BRINP1: variants seen among roughly 807,000 people sequenced by gnomAD.
BRINP1 encodes the protein BMP/retinoic acid-inducible neural-specific protein 1.
BRINP1 carries 17 observed loss-of-function variants against 72.9 expected under a neutral mutation model. The observed-to-expected ratio is 0.23, with a 90% CI of 0.16 to 0.35. BRINP1 has a LOEUF of 0.35. Ranked by LOEUF, BRINP1 falls within the 10% of genes least tolerant of loss-of-function variation. The pLI is 1.00. For missense variants in BRINP1, 850 were observed against 1,001.6 expected (o/e 0.85, Z 2.04); for synonymous variants, 418 against 378.5 (o/e 1.10, Z -1.21).
intron 5 of BRINP1, among the ~76,000 whole-genome samples, chr9:119,225,196 T>C (rs1830077461): frequency 6.6e-6 from 1 of 152,050 alleles, no homozygotes; most frequent in South Asian, 2.1e-4. Flanking sequence ...GAAGTATTAA[T>C]TCTGCCATAA....
chr9:119,171,105 T>A (rs1829403877), intron 7 of BRINP1, among the ~76,000 whole-genome samples: 1 of 150,796 alleles, frequency 6.6e-6, no homozygotes, highest in Admixed American at 6.6e-5. Context: ...AACATCATAA[T>A]GACAGGATCA....
intron 1 of BRINP1, among the ~76,000 whole-genome samples, chr9:119,350,902 C>CTTTTTT (rs796162745): frequency 7.0e-6 from 1 of 142,220 alleles, no homozygotes; most frequent in Non-Finnish European, 1.5e-5. Flanking sequence ...GTATTTATGT[C>CTTTTTT]TTTTTTTTTT....
chr9:119,179,561 CA>C (rs550669635), intron 7 of BRINP1, among the ~76,000 whole-genome samples: 1 of 151,938 alleles, frequency 6.6e-6, no homozygotes, highest in Admixed American at 6.6e-5. Context: ...TTGCTGAGGT[CA>C]AAAAAATCAG....
chr9:119,249,018 G>A lies in BRINP1; in HGVS notation c.351C>T (p.Phe117=). The A allele has an allele frequency of 1.9e-6, 3 of 1,614,072 alleles. No individual in the cohort carries two copies. Among genetic ancestry groups the A allele is most frequent in the Non-Finnish European group, 2.5e-6 (3 of 1,180,002 alleles). The change falls in exon 3 of 8, where the codon TTC becomes TTT. Residue 117 remains phenylalanine (F), a synonymous_variant. Transcript: ENST00000265922. ...CGTACTTTTTGATGATGGTATCGAT[G>A]AACTGCTGAGTGGTAGGTCTCCTGC... is the stretch of plus-strand genomic sequence containing the variant. ...LLGRRPTTQQ[F]IDTIIKKYGT...
At chr9:119,268,775 T>G (rs993561891) in intron 2 of BRINP1, among the ~76,000 whole-genome samples, 16 of 152,192 alleles carry the variant, frequency 1.1e-4, no homozygotes, top group African/African-American at 3.4e-4. Flanking sequence ...CAAAAACCTA[T>G]TAACTGTGCC....
At chr9:119,211,164 CTTTATTTATTTA>C (rs71506209) in intron 6 of BRINP1, among the ~76,000 whole-genome samples, 455 of 147,224 alleles carry the variant, frequency 3.1e-3, no homozygotes, top group East Asian at 4.3e-3. Flanking sequence ...AATACATTAA[CTTTATTTATTTA>C]TTTATTTATT....
chr9:119,270,188 G>A (rs926475403), intron 2 of BRINP1, among the ~76,000 whole-genome samples: 3 of 152,068 alleles, frequency 2.0e-5, no homozygotes, highest in African/African-American at 4.8e-5. Context: ...GGGGCAAGGA[G>A]TAATAGCGGG....
At chr9:119,341,854 C>T (rs1366414829) in intron 1 of BRINP1, among the ~76,000 whole-genome samples, 1 of 152,130 alleles carries the variant, frequency 6.6e-6, no homozygotes, top group Non-Finnish European at 1.5e-5. Context: ...ACCTCTGCCT[C>T]CCAGGTTCAA....
chr9:119,174,730 A>ATGAT (rs1564209338), intron 7 of BRINP1, among the ~76,000 whole-genome samples: 1 of 151,760 alleles, frequency 6.6e-6, no homozygotes, highest in African/African-American at 2.4e-5. Flanking sequence ...ATATCCAACA[A>ATGAT]TGATAGACTG....
intron 1 of BRINP1, among the ~76,000 whole-genome samples, chr9:119,339,188 T>C (rs1831383910): frequency 6.6e-6 from 1 of 152,204 alleles, no homozygotes; most frequent in Non-Finnish European, 1.5e-5. Context: ...TCTCAATTAC[T>C]CAGCTCTATC....
chr9:119,182,153 G>A (rs1309376330), intron 7 of BRINP1, among the ~76,000 whole-genome samples: 1 of 152,154 alleles, frequency 6.6e-6, no homozygotes, highest in Non-Finnish European at 1.5e-5. Flanking sequence ...AACTTCCTCT[G>A]TACTCCTAAA....
At chr9:119,300,875 AT>A (rs1158603065) in intron 2 of BRINP1, among the ~76,000 whole-genome samples, 2 of 152,120 alleles carry the variant, frequency 1.3e-5, no homozygotes, top group Non-Finnish European at 2.9e-5. Context: ...TTCTTAAAAG[AT>A]TCATTTATTT....
chr9:119,200,662 A>T (rs994230231), intron 7 of BRINP1, among the ~76,000 whole-genome samples: 1 of 151,694 alleles, frequency 6.6e-6, no homozygotes, highest in Non-Finnish European at 1.5e-5. Flanking sequence ...AAAGAAAAGA[A>T]AAAAGATATA....
intron 2 of BRINP1, among the ~76,000 whole-genome samples, chr9:119,285,747 T>A (rs1830755331): frequency 6.6e-6 from 1 of 152,162 alleles, no homozygotes; most frequent in Admixed American, 6.5e-5. Flanking sequence ...TTTTCTTGAA[T>A]CCCCAGAGGA....
chr9:119,194,347 G>A lies in BRINP1; in HGVS notation c.1145+14372C>T, dbSNP rs562355481. On this transcript the variant is annotated intron_variant, in intron 7 of 7. Coordinates refer to ENST00000265922, the MANE Select transcript of BRINP1 (RefSeq NM_014618.3). ...ATCTCTTTTTCATTCTATTATTCCC[G>A]AACTATGCTACTGTACTAGGGAGCA... 1.2e-4 allele frequency among the ~76,000 whole-genome samples: 19 copies of A among 152,168 alleles called. No homozygotes were observed. The South Asian group carries it at 2.3e-3, about 18-fold the overall frequency.
chr9:119,318,841 T>TGGGGGG (rs144791296), intron 1 of BRINP1, among the ~76,000 whole-genome samples: 3 of 114,716 alleles, frequency 2.6e-5, no homozygotes, highest in Admixed American at 1.9e-4. Context: ...GAGAAATGTG[T>TGGGGGG]GGGGTGTGTG....
At chr9:119,211,200 ATTTATTTATTTT>A (rs1408383529) in intron 6 of BRINP1, among the ~76,000 whole-genome samples, 4 of 150,802 alleles carry the variant, frequency 2.7e-5, no homozygotes, top group Non-Finnish European at 4.4e-5. Flanking sequence ...TTATTTATTT[ATTTATTTATTTT>A]TTGAGACACA....
chr9:119,238,557 T>C, intron 5 of BRINP1, 98 bp downstream of exon 5: 1 of 663,980 alleles, frequency 1.5e-6, no homozygotes, highest in East Asian at 2.9e-5. Flanking sequence ...TCCTCTTCTT[T>C]ATTCTCCCTT....
chr9:119,269,155 C>A (rs1588184960), intron 2 of BRINP1, among the ~76,000 whole-genome samples: 1 of 152,130 alleles, frequency 6.6e-6, no homozygotes, highest in African/African-American at 2.4e-5. Context: ...GTGAGTAATA[C>A]CTTATAATCA....
Sources: gnomAD v4.1 joint callset for allele counts (sites outside exome capture counted in the v4.1 genomes callset) on GRCh38, gnomAD v4.1.1 for gene constraint, MANE v1.5 for transcripts, NCBI Gene and HGNC (gene_info 2026-07-23, HGNC 2026-07-21) for gene names.